Variants in USP8 observed in about 807,000 individuals in gnomAD.
The protein encoded by USP8 is ubiquitin specific peptidase 8, also known as ubiquitin carboxyl-terminal hydrolase 8.
In USP8, 27 loss-of-function variants were observed where a neutral mutation model predicts 130.0. The ratio of observed to expected loss-of-function variants is 0.21; its 90% CI spans 0.15 to 0.29. The LOEUF is 0.29. Ranked by LOEUF, USP8 falls within the 10% of genes least tolerant of loss-of-function variation. The pLI, the probability that USP8 is intolerant of heterozygous loss-of-function variation, is 1.00. For synonymous variants in USP8, 392 were observed against 444.1 expected (o/e 0.88, Z 1.48); for missense variants, 1,029 against 1,312.2 (o/e 0.78, Z 3.33).
chr15:50,452,569 A>G (rs1001882169), intron 4 of USP8, among the ~76,000 whole-genome samples: 2 of 152,214 alleles, frequency 1.3e-5, no homozygotes, highest in Admixed American at 1.3e-4. Flanking sequence ...TTCTTAGGGC[A>G]GACAGTTCAC....
chr15:50,439,122 C>G lies in USP8; in HGVS notation c.49C>G (p.Leu17Val). ...VPKELYLSSS[L>V]KDLNKKTEVK... ...TAAAGAACTCTACCTCAGTTCTTCACTAAAAGACCTTAATAAGAAGACAGA... is the reference window on the plus strand; with the variant it reads ...TAAAGAACTCTACCTCAGTTCTTCAGTAAAAGACCTTAATAAGAAGACAGA... The change falls in exon 2 of 20, where the codon CTA becomes GTA. Residue 17 changes from leucine to valine, a missense_variant. Leu to Val is a conservative substitution (Grantham distance 32). Coordinates refer to ENST00000307179, the MANE Select transcript of USP8 (RefSeq NM_005154.5). 6.3e-7 allele frequency: 1 copy of G among 1,595,290 alleles called. No homozygotes were observed. The highest frequency in any genetic ancestry group is 2.3e-5 in the East Asian group (1 of 43,936).
intron 18 of USP8, chr15:50,497,614 TTAA>T (rs1248071633): frequency 1.3e-5 from 2 of 153,570 alleles, no homozygotes; most frequent in African/African-American, 4.8e-5. Flanking sequence ...TTAAAGTATT[TTAA>T]TGATAAAATA....
intron 12 of USP8, among the ~76,000 whole-genome samples, chr15:50,488,137 A>C (rs1291730537): frequency 1.3e-5 from 2 of 152,118 alleles, no homozygotes; most frequent in East Asian, 3.9e-4. Flanking sequence ...CATATTTTTC[A>C]CATGTGGATT....
Position 50,500,980 on chromosome 15 carries a change from C to T in USP8, c.*1892C>T. 1.5e-6 allele frequency: 1 copy of T among 682,576 alleles called. No homozygotes were observed. The highest frequency in any genetic ancestry group is 2.5e-6 in the Non-Finnish European group (1 of 395,704). The allele number at this position is 682,576 out of a possible 1,614,324, so 42.3% of individuals were successfully genotyped here. On this transcript the variant is annotated 3_prime_UTR_variant, in exon 20 of 20. Coordinates refer to ENST00000307179, the MANE Select transcript of USP8 (RefSeq NM_005154.5). ...GTGATAATTTTGTTGTTAAATCATG[C>T]ATATAGCCTGACTGCTATATTGCTT...
intron 5 of USP8, 23 bp from the exon 6 acceptor site, chr15:50,462,257 T>A: frequency 1.0e-6 from 1 of 964,704 alleles, no homozygotes; most frequent in Middle Eastern, 2.5e-4. Flanking sequence ...AAGTTGAAAC[T>A]TTTTTTTTTT....
At chr15:50,451,977 G>A (rs2050641280) in intron 4 of USP8, among the ~76,000 whole-genome samples, 1 of 152,170 alleles carries the variant, frequency 6.6e-6, no homozygotes, top group African/African-American at 2.4e-5. Flanking sequence ...CTATGACCAC[G>A]GAGGCGTGTG....
intron 1 of USP8, among the ~76,000 whole-genome samples, chr15:50,436,550 G>A (rs755629966): frequency 2.0e-5 from 3 of 152,152 alleles, no homozygotes; most frequent in Non-Finnish European, 4.4e-5. Flanking sequence ...CCAGGCTGGA[G>A]TGCAGTGGTG....
rs187663661 is a variant in USP8, at chr15:50,513,127, G to T, written c.*14039G>T. The T allele has an allele frequency of 3.1e-4, 47 of 152,258 alleles. No individual in the cohort carries two copies. The highest frequency in any genetic ancestry group is 5.6e-4 in the Non-Finnish European group (38 of 68,008). 9.4% of individuals were successfully genotyped at this position (152,258 alleles called of 1,614,324 possible). A position where few individuals can be genotyped will look rare whatever the true frequency, so the allele number is the denominator to read the frequency against. On this transcript the variant is annotated 3_prime_UTR_variant, in exon 20 of 20. Transcript: ENST00000307179. The stretch of plus-strand genomic sequence containing the variant: ...AAAAATTAAGAAGTCTGATGATCCT[G>T]GTAGGGGTATGTATTGGTATAATCA...
Position 50,509,656 on chromosome 15 carries a change from A to G in USP8, c.*10568A>G, listed in dbSNP as rs560062961. ...GAGCGAGACTGCGTCTCAAAAAATA[A>G]AATAAAATAAAATAAAATAAAAAAG... On this transcript the variant is annotated 3_prime_UTR_variant, in exon 20 of 20. Coordinates refer to ENST00000307179, the MANE Select transcript of USP8 (RefSeq NM_005154.5). The G allele has an allele frequency of 6.6e-6, 1 of 152,146 alleles. No individual in the cohort carries two copies. The highest frequency in any genetic ancestry group is 1.5e-5 in the Non-Finnish European group (1 of 68,008). The allele number at this position is 152,146 out of a possible 1,614,324, so 9.4% of individuals were successfully genotyped here.
At position 50,505,224 on chromosome 15, in the gene USP8, GATAA is replaced by G; in HGVS notation, c.*6142_*6145del. The G allele has an allele frequency of 6.6e-6, 1 of 152,136 alleles. No individual in the cohort carries two copies. The highest frequency in any genetic ancestry group is 1.5e-5 in the Non-Finnish European group (1 of 68,010). 9.4% of individuals were successfully genotyped at this position (152,136 alleles called of 1,614,324 possible). A position where few individuals can be genotyped will look rare whatever the true frequency, so the allele number is the denominator to read the frequency against. The stretch of plus-strand genomic sequence containing the variant: ...CATTTAGGAAATGCAGCGAGCCAGG[GATAA>G]ATAAAAATAATACTGCAGAACAACA... On this transcript the variant is annotated 3_prime_UTR_variant, in exon 20 of 20. Coordinates refer to ENST00000307179, the MANE Select transcript of USP8 (RefSeq NM_005154.5).
At chr15:50,477,550 T>C (rs752303289) in intron 10 of USP8, 51 bp downstream of exon 10, 2 of 1,516,696 alleles carry the variant, frequency 1.3e-6, no homozygotes, top group Non-Finnish European at 9.0e-7. Context: ...ATATTAAATA[T>C]ATAGTATAGC....
At chr15:50,471,902 C>A in intron 8 of USP8, 107 bp downstream of exon 8, 3 of 882,564 alleles carry the variant, frequency 3.4e-6, no homozygotes, top group South Asian at 1.7e-5. Flanking sequence ...TTCATCATGC[C>A]TTTTTTTTTT....
chr15:50,471,113 G>A (rs1212488683), intron 7 of USP8, among the ~76,000 whole-genome samples: 6 of 152,132 alleles, frequency 3.9e-5, no homozygotes, highest in African/African-American at 1.4e-4. Context: ...AATAATGTTC[G>A]TCTTACAGGA....
Position 50,494,145 on chromosome 15 carries a change from GTATAGA to G in USP8, c.2528_2533del (p.Arg843_Tyr844del). 1.2e-6 allele frequency: 2 copies of G among 1,613,028 alleles called. No individual in the cohort carries two copies. The highest frequency in any genetic ancestry group is 1.7e-6 in the Non-Finnish European group (2 of 1,179,948). On this transcript the variant is annotated inframe_deletion, in exon 16 of 20. Coordinates refer to ENST00000307179, the MANE Select transcript of USP8 (RefSeq NM_005154.5). Reference sequence around the variant, plus strand: ...TCATGAAAGCCCTGTGGACAGGACAGTATAGATATATCAGTCCAAAGGACTTTAAAA... The same window carrying G: ...TCATGAAAGCCCTGTGGACAGGACAGTATATCAGTCCAAAGGACTTTAAAA...
intron 1 of USP8, among the ~76,000 whole-genome samples, chr15:50,437,135 T>C (rs2050115433): frequency 6.6e-6 from 1 of 152,194 alleles, no homozygotes; most frequent in South Asian, 2.1e-4. Flanking sequence ...GTTGTTATGC[T>C]CATATTATTT....
chr15:50,443,098 G>A (rs1040248200), intron 3 of USP8, among the ~76,000 whole-genome samples: 1 of 152,116 alleles, frequency 6.6e-6, no homozygotes, highest in African/African-American at 2.4e-5. Context: ...GAGTGCGGTG[G>A]CACATTCTCA....
chr15:50,456,900 A>G (rs2050808876), intron 4 of USP8, among the ~76,000 whole-genome samples: 2 of 152,202 alleles, frequency 1.3e-5, no homozygotes, highest in South Asian at 4.1e-4. Context: ...AGAAAAAGAA[A>G]AAAAAGAAAA....
At chr15:50,443,260 C>T (rs1025148023) in intron 3 of USP8, among the ~76,000 whole-genome samples, 1 of 146,976 alleles carries the variant, frequency 6.8e-6, no homozygotes, top group Non-Finnish European at 1.5e-5. Context: ...CAGCTGGTAT[C>T]GAACTCCTGA....
intron 12 of USP8, 107 bp downstream of exon 12, chr15:50,484,468 T>A: frequency 1.1e-6 from 1 of 881,962 alleles, no homozygotes; most frequent in Non-Finnish European, 1.7e-6. Flanking sequence ...ATCTACAGTG[T>A]AAGGGGATCG....
Sources: gnomAD v4.1 joint callset for allele counts (sites outside exome capture counted in the v4.1 genomes callset) on GRCh38, gnomAD v4.1.1 for gene constraint, MANE v1.5 for transcripts, NCBI Gene and HGNC (gene_info 2026-07-23, HGNC 2026-07-21) for gene names.